CACNA2D3: variants seen among roughly 807,000 people sequenced by gnomAD.
The protein encoded by CACNA2D3 is voltage-dependent calcium channel subunit alpha-2/delta-3.
Under a neutral mutation model 160.6 loss-of-function variants are expected in CACNA2D3, and 60 were observed. That is an observed-to-expected ratio of 0.37 (90% CI 0.30 to 0.46). The LOEUF is 0.46. CACNA2D3 is among the 20% of genes least tolerant of loss of function. CACNA2D3 has a pLI of 1.00. For missense variants in CACNA2D3, 1,205 were observed against 1,365.0 expected (o/e 0.88, Z 1.85); for synonymous variants, 558 against 492.9 (o/e 1.13, Z -1.75).
intron 11 of CACNA2D3, among the ~76,000 whole-genome samples, chr3:54,652,323 T>C (rs1305572489): frequency 6.6e-6 from 1 of 152,160 alleles, no homozygotes; most frequent in Non-Finnish European, 1.5e-5. Context: ...TCGCAGTCCA[T>C]TGTAATGGAG....
At chr3:54,544,591 TCTCACTATA>T (rs1185022662) in intron 5 of CACNA2D3, among the ~76,000 whole-genome samples, 1 of 151,966 alleles carries the variant, frequency 6.6e-6, no homozygotes, top group Non-Finnish European at 1.5e-5. Flanking sequence ...GGGATGGGGG[TCTCACTATA>T]TTGCCCAGGC....
intron 4 of CACNA2D3, among the ~76,000 whole-genome samples, chr3:54,478,058 A>G (rs913008808): frequency 2.0e-5 from 3 of 152,208 alleles, no homozygotes; most frequent in African/African-American, 4.8e-5. Flanking sequence ...GCAGGCAACT[A>G]TAGTTAGCTA....
At chr3:54,777,998 C>T (rs139939756) in intron 13 of CACNA2D3, among the ~76,000 whole-genome samples, 2 of 152,334 alleles carry the variant, frequency 1.3e-5, no homozygotes, top group African/African-American at 2.4e-5. Flanking sequence ...AGGATCACCA[C>T]GGGCTTAAAA....
chr3:54,280,525 G>A lies in CACNA2D3; in HGVS notation c.205-39917G>A, dbSNP rs1421774912. Among the ~76,000 whole-genome samples, 4 of 150,162 alleles carry A rather than the reference G, an allele frequency of 2.7e-5. No homozygotes were observed. The East Asian group carries it at 5.9e-4, about 22-fold the overall frequency. ...GTGTAGGGGGGACAGAAATGTGAGG[G>A]CCTGAACACTGTACTAAAAGAGGGA... is the stretch of plus-strand genomic sequence containing the variant. On this transcript the variant is annotated intron_variant, in intron 2 of 37. Coordinates refer to ENST00000474759, the MANE Select transcript of CACNA2D3 (RefSeq NM_018398.3).
chr3:54,565,646 T>C (rs549470315), intron 6 of CACNA2D3, among the ~76,000 whole-genome samples: 4 of 152,314 alleles, frequency 2.6e-5, no homozygotes, highest in Non-Finnish European at 5.9e-5. Flanking sequence ...TTAAATGTTA[T>C]TTAACTTTAT....
At position 54,264,818 on chromosome 3, in the gene CACNA2D3, G is replaced by A. The variant is rs375936853; in HGVS notation, c.205-55624G>A. 9.9e-5 allele frequency among the ~76,000 whole-genome samples: 15 copies of A among 152,252 alleles called. No homozygotes were observed. In the East Asian group the frequency reaches 2.7e-3, roughly 27 times the overall value. On this transcript the variant is annotated intron_variant, in intron 2 of 37. Transcript: ENST00000474759. ...GTTTTCTTTCATTGCCACAAAAACC[G>A]CATTTTAAGAGATGCATTTGGTTTT...
chr3:54,248,838 G>A (rs1702130950), intron 2 of CACNA2D3, among the ~76,000 whole-genome samples: 1 of 152,208 alleles, frequency 6.6e-6, no homozygotes, highest in Admixed American at 6.5e-5. Flanking sequence ...TAGTTGAGGT[G>A]CTTGCTGAAG....
At chr3:54,883,565 A>C (rs1699852086) in intron 21 of CACNA2D3, among the ~76,000 whole-genome samples, 1 of 152,140 alleles carries the variant, frequency 6.6e-6, no homozygotes, top group Admixed American at 6.5e-5. Flanking sequence ...GGTCCTGTGA[A>C]ATAGAGCCAG....
intron 2 of CACNA2D3, among the ~76,000 whole-genome samples, chr3:54,145,810 T>C (rs1028579248): frequency 6.6e-6 from 1 of 152,212 alleles, no homozygotes; most frequent in African/African-American, 2.4e-5. Context: ...TTTTCAGTAT[T>C]GCTTCGTCAT....
intron 27 of CACNA2D3, among the ~76,000 whole-genome samples, chr3:54,958,986 A>G (rs1575407588): frequency 6.6e-6 from 1 of 152,134 alleles, no homozygotes. Context: ...CTGTAGTCCT[A>G]GCTACTCGGG....
At chr3:54,696,835 C>G (rs1238879042) in intron 11 of CACNA2D3, among the ~76,000 whole-genome samples, 1 of 152,166 alleles carries the variant, frequency 6.6e-6, no homozygotes, top group Admixed American at 6.5e-5. Flanking sequence ...TGCTTACTTC[C>G]CATTGTCTCT....
chr3:54,669,233 A>G (rs548183716), intron 11 of CACNA2D3, among the ~76,000 whole-genome samples: 7 of 152,212 alleles, frequency 4.6e-5, no homozygotes, highest in South Asian at 2.1e-4. Flanking sequence ...ACTTTTCACA[A>G]TTTCATTTTG....
At chr3:54,736,000 T>TAC (rs1226051329) in intron 11 of CACNA2D3, among the ~76,000 whole-genome samples, 3 of 104,736 alleles carry the variant, frequency 2.9e-5, no homozygotes, top group Non-Finnish European at 4.1e-5. Flanking sequence ...TATACATATA[T>TAC]ATATATGTAT....
chr3:54,852,708 A>G (rs911134231), intron 17 of CACNA2D3, among the ~76,000 whole-genome samples: 1 of 152,196 alleles, frequency 6.6e-6, no homozygotes, highest in Non-Finnish European at 1.5e-5. Flanking sequence ...GGATTGATAC[A>G]TGGACATGCT....
At chr3:54,508,876 A>G in intron 5 of CACNA2D3, among the ~76,000 whole-genome samples, 1 of 152,202 alleles carries the variant, frequency 6.6e-6, no homozygotes, top group East Asian at 1.9e-4. Flanking sequence ...ACTGCAGAGC[A>G]TGAGAAATCA....
intron 2 of CACNA2D3, among the ~76,000 whole-genome samples, chr3:54,237,000 T>C (rs943299383): frequency 2.7e-5 from 4 of 149,536 alleles, no homozygotes; most frequent in Non-Finnish European, 5.9e-5. Flanking sequence ...TGTTGTTGCC[T>C]GAAACTTCTT....
chr3:54,322,019 G>C (rs1271502206), intron 3 of CACNA2D3, among the ~76,000 whole-genome samples: 1 of 151,532 alleles, frequency 6.6e-6, no homozygotes, highest in Non-Finnish European at 1.5e-5. Flanking sequence ...CAGAATTTTA[G>C]AGGAGAAAAG....
chr3:54,352,020 T>C (rs1470074327), intron 3 of CACNA2D3, among the ~76,000 whole-genome samples: 2 of 152,216 alleles, frequency 1.3e-5, no homozygotes, highest in Non-Finnish European at 2.9e-5. Context: ...TGGTGCTTTG[T>C]TTTTGATGAC....
At position 54,154,719 on chromosome 3, in the gene CACNA2D3, T is replaced by C. The variant is rs191298389; in HGVS notation, c.204+31125T>C. Among the ~76,000 whole-genome samples the C allele has an allele frequency of 1.4e-3, 219 of 152,246 alleles. 1 individual carries two copies. The highest frequency in any genetic ancestry group is 5.0e-3 in the African/African-American group (206 of 41,530). ...CCAAGTGAGGTTTTGTCCAACCAGATTGTGAGATAACATGGTGTGGTGGTG... is the reference window on the plus strand; with the variant it reads ...CCAAGTGAGGTTTTGTCCAACCAGACTGTGAGATAACATGGTGTGGTGGTG... On this transcript the variant is annotated intron_variant, in intron 2 of 37. Transcript: ENST00000474759.
Sources: allele counts gnomAD v4.1 joint callset (sites outside exome capture counted in the v4.1 genomes callset), GRCh38; gene constraint gnomAD v4.1.1; transcripts MANE v1.5; gene names NCBI Gene and HGNC (gene_info 2026-07-23, HGNC 2026-07-21).